FBXL17: variants seen among roughly 807,000 people sequenced by gnomAD.
FBXL17 encodes F-box/LRR-repeat protein 17.
FBXL17 carries 22 observed loss-of-function variants against 66.2 expected under a neutral mutation model. The ratio of observed to expected loss-of-function variants is 0.33; its 90% CI spans 0.24 to 0.47. FBXL17 has a LOEUF of 0.47. Among genes scored for constraint, FBXL17 ranks in the 20% least tolerant of loss-of-function variants. The pLI is 1.00. For synonymous variants in FBXL17, 474 were observed against 400.5 expected, an observed-to-expected ratio of 1.18 and a Z score of -2.19; for missense variants, 878 against 948.2, an observed-to-expected ratio of 0.93 and a Z score of 0.97.
chr5:107,947,953 C>G (rs1329898346), intron 7 of FBXL17, among the ~76,000 whole-genome samples: 1 of 152,046 alleles, frequency 6.6e-6, no homozygotes, highest in East Asian at 1.9e-4. Flanking sequence ...ACACATGTAC[C>G]CATGATTTCA....
intron 3 of FBXL17, among the ~76,000 whole-genome samples, chr5:108,349,996 T>C (rs1028129496): frequency 1.3e-5 from 2 of 152,224 alleles, no homozygotes; most frequent in South Asian, 4.1e-4. Flanking sequence ...TGCAGATACC[T>C]TGAAATATTT....
At chr5:108,363,907 T>C (rs1256317914) in intron 3 of FBXL17, among the ~76,000 whole-genome samples, 1 of 152,038 alleles carries the variant, frequency 6.6e-6, no homozygotes, top group Non-Finnish European at 1.5e-5. Flanking sequence ...TAATTTAATA[T>C]GTTTAAGAAC....
At chr5:107,971,305 T>A (rs996683811) in intron 7 of FBXL17, among the ~76,000 whole-genome samples, 1 of 152,116 alleles carries the variant, frequency 6.6e-6, no homozygotes, top group Admixed American at 6.6e-5. Flanking sequence ...CTGGTACATT[T>A]TTACATGGGA....
intron 7 of FBXL17, among the ~76,000 whole-genome samples, chr5:107,932,578 G>A (rs1750770255): frequency 6.6e-6 from 1 of 152,120 alleles, no homozygotes; most frequent in African/African-American, 2.4e-5. Context: ...AATGTCATTT[G>A]TTTTAAAAGC....
chr5:108,025,741 A>G (rs1754793626), intron 6 of FBXL17, among the ~76,000 whole-genome samples: 1 of 151,636 alleles, frequency 6.6e-6, no homozygotes, highest in South Asian at 2.1e-4. Context: ...ACACACACAC[A>G]CACACACACA....
chr5:108,270,742 C>T (rs983672788), intron 4 of FBXL17, among the ~76,000 whole-genome samples: 1 of 151,516 alleles, frequency 6.6e-6, no homozygotes, highest in Non-Finnish European at 1.5e-5. Context: ...AATTATTTCT[C>T]CTTTTTACTA....
intron 7 of FBXL17, among the ~76,000 whole-genome samples, chr5:107,979,925 T>G (rs1752742359): frequency 6.6e-6 from 1 of 152,178 alleles, no homozygotes; most frequent in South Asian, 2.1e-4. Context: ...AATAAATAAA[T>G]AATCCTTAAC....
At chr5:108,304,474 A>C (rs1054689919) in intron 4 of FBXL17, among the ~76,000 whole-genome samples, 5 of 152,004 alleles carry the variant, frequency 3.3e-5, no homozygotes, top group Admixed American at 1.3e-4. Context: ...AATCACTTTC[A>C]GTGAAGATTT....
intron 4 of FBXL17, among the ~76,000 whole-genome samples, chr5:108,247,188 G>A (rs1756139477): frequency 1.3e-5 from 2 of 152,162 alleles, no homozygotes; most frequent in African/African-American, 4.8e-5. Flanking sequence ...AATTGCCCTG[G>A]CTTCGAAGAA....
At chr5:108,088,654 T>C (rs1227095885) in intron 6 of FBXL17, among the ~76,000 whole-genome samples, 1 of 130,036 alleles carries the variant, frequency 7.7e-6, no homozygotes, top group Non-Finnish European at 1.5e-5. Flanking sequence ...TGAGCCGAGA[T>C]TGTGCCACTG....
intron 4 of FBXL17, among the ~76,000 whole-genome samples, chr5:108,238,123 A>C (rs1755687505): frequency 1.3e-5 from 2 of 152,230 alleles, no homozygotes; most frequent in Admixed American, 1.3e-4. Context: ...GTAATACAAA[A>C]ACAGAGAACA....
At chr5:107,876,374 A>C (rs1254317208) in intron 8 of FBXL17, among the ~76,000 whole-genome samples, 1 of 152,238 alleles carries the variant, frequency 6.6e-6, no homozygotes, top group African/African-American at 2.4e-5. Flanking sequence ...AAAAATAGAA[A>C]GTGAAAGGGA....
At chr5:107,959,422 A>ACACACACACACACAC (rs1751807975) in intron 7 of FBXL17, among the ~76,000 whole-genome samples, 1 of 150,728 alleles carries the variant, frequency 6.6e-6, no homozygotes, top group Non-Finnish European at 1.5e-5. Flanking sequence ...ACACACAGGC[A>ACACACACACACACAC]ACACTTTATT....
intron 4 of FBXL17, among the ~76,000 whole-genome samples, chr5:108,319,762 T>C (rs1047870752): frequency 5.3e-5 from 8 of 151,848 alleles, no homozygotes; most frequent in Non-Finnish European, 8.9e-5. Flanking sequence ...TTTTTAACTA[T>C]ATAACTTCTA....
intron 4 of FBXL17, among the ~76,000 whole-genome samples, chr5:108,316,514 T>C (rs1412081248): frequency 1.3e-5 from 2 of 151,456 alleles, no homozygotes; most frequent in South Asian, 4.1e-4. Context: ...CAAAAGTATA[T>C]CATATAAATA....
At chr5:108,230,952 A>T (rs4612047) in intron 4 of FBXL17, among the ~76,000 whole-genome samples, 6,902 of 52,004 alleles carry the variant, frequency 0.13, 778 homozygotes, top group East Asian at 0.58. Context: ...AATTTTTTTT[A>T]AAAAAAAGCA....
intron 7 of FBXL17, among the ~76,000 whole-genome samples, chr5:107,936,346 C>T (rs891296391): frequency 2.6e-5 from 4 of 152,062 alleles, no homozygotes; most frequent in Admixed American, 6.6e-5. Context: ...TCTCTGTTTA[C>T]ATTTATTTGT....
chr5:108,276,625 A>C (rs1341054075), intron 4 of FBXL17, among the ~76,000 whole-genome samples: 4 of 152,170 alleles, frequency 2.6e-5, no homozygotes, highest in Non-Finnish European at 5.9e-5. Flanking sequence ...AGAAAAAAAG[A>C]CGTCTAACAA....
chr5:107,872,841 G>A (rs1008713969), intron 8 of FBXL17, among the ~76,000 whole-genome samples: 17 of 152,206 alleles, frequency 1.1e-4, no homozygotes, highest in Admixed American at 9.8e-4. Context: ...AGGGAATGGC[G>A]GCACAGGGAG....
Sources: allele counts gnomAD v4.1 joint callset (sites outside exome capture counted in the v4.1 genomes callset), GRCh38; gene constraint gnomAD v4.1.1; transcripts MANE v1.5; gene names NCBI Gene and HGNC (gene_info 2026-07-23, HGNC 2026-07-21).